NOTCH1: variants seen among roughly 807,000 people sequenced by gnomAD.
NOTCH1 encodes the protein neurogenic locus notch homolog protein 1.
In NOTCH1, 37 loss-of-function variants were observed where a neutral mutation model predicts 254.8. The ratio of observed to expected loss-of-function variants is 0.15; its 90% CI spans 0.11 to 0.19. The LOEUF is 0.19. Among genes scored for constraint, NOTCH1 ranks in the 10% least tolerant of loss-of-function variants. The pLI is 1.00. For synonymous variants in NOTCH1, 1,731 were observed against 1,618.1 expected, an observed-to-expected ratio of 1.07 and a Z score of -1.68; for missense variants, 2,972 against 3,708.6, an observed-to-expected ratio of 0.80 and a Z score of 5.16.
At position 136,499,263 on chromosome 9, in the gene NOTCH1, G is replaced by C; in HGVS notation, c.5935-4C>G. The C allele has an allele frequency of 6.2e-7, 1 of 1,612,336 alleles. No homozygotes were observed. Among genetic ancestry groups the C allele is most frequent in the South Asian group, 1.1e-5 (1 of 91,086 alleles). Reference sequence around the variant, plus strand: ...TGGCTCGGTTCCGGATCAGGATCTGGGCAACAGGGAGAGGCTCAGGCGGGT... The same window carrying C: ...TGGCTCGGTTCCGGATCAGGATCTGCGCAACAGGGAGAGGCTCAGGCGGGT... On this transcript the variant is annotated splice_region_variant and splice_polypyrimidine_tract_variant and intron_variant, in intron 31 of 33. Transcript: ENST00000651671.
At chr9:136,524,355 G>A (rs949082969) in intron 2 of NOTCH1, among the ~76,000 whole-genome samples, 1 of 152,196 alleles carries the variant, frequency 6.6e-6, no homozygotes, top group South Asian at 2.1e-4. Context: ...ACAAGCTAGA[G>A]ACTAGGATGT....
intron 5 of NOTCH1, 140 bp downstream of exon 5, chr9:136,519,303 T>C: frequency 8.0e-7 from 1 of 1,250,738 alleles, no homozygotes; most frequent in South Asian, 1.3e-5. Context: ...CCCCATCATG[T>C]TGTCCTTCTC....
At chr9:136,536,138 TA>T (rs1449666961) in intron 2 of NOTCH1, among the ~76,000 whole-genome samples, 1 of 152,128 alleles carries the variant, frequency 6.6e-6, no homozygotes, top group Non-Finnish European at 1.5e-5. Context: ...GGACCGCCTA[TA>T]ACCGCCCTGC....
intron 12 of NOTCH1, 60 bp downstream of exon 12, chr9:136,515,230 A>G: frequency 2.0e-6 from 3 of 1,506,550 alleles, no homozygotes; most frequent in Non-Finnish European, 2.8e-6. Flanking sequence ...CCCAGGGCAG[A>G]GTGGCTGACC....
In NOTCH1 at chr9:136,523,782, T is replaced by C. The variant is rs1416140685; in HGVS notation, c.338A>G (p.Asn113Ser). ...CGTGAGCAGGTCGCAGGTGCCCCCG[T>C]TGCGGCAGGGGTTGGTGAGGCAGGC... ...DNACLTNPCR[N>S]GGTCDLLTLT... The change falls in exon 3 of 34, where the codon AAC becomes AGC. Residue 113 changes from asparagine to serine, a missense_variant. Coordinates refer to ENST00000651671, the MANE Select transcript of NOTCH1 (RefSeq NM_017617.5). The C allele has an allele frequency of 6.2e-7, 1 of 1,611,992 alleles. No individual in the cohort carries two copies. Among genetic ancestry groups the C allele is most frequent in the Admixed American group, 1.7e-5 (1 of 59,932 alleles).
intron 15 of NOTCH1, among the ~76,000 whole-genome samples, chr9:136,512,633 C>G (rs1004522623): frequency 3.9e-5 from 6 of 152,168 alleles, no homozygotes; most frequent in African/African-American, 1.2e-4. Context: ...GGGTGGGCGC[C>G]GGGAGCACGG....
At chr9:136,520,186 G>A (rs1406824253) in intron 4 of NOTCH1, among the ~76,000 whole-genome samples, 1 of 151,984 alleles carries the variant, frequency 6.6e-6, no homozygotes, top group African/African-American at 2.4e-5. Context: ...CTCAACTCCC[G>A]CTGGTTCAAT....
chr9:136,543,737 AAAG>A (rs1259156954), intron 2 of NOTCH1: 3 of 558,896 alleles, frequency 5.4e-6, no homozygotes, highest in Admixed American at 3.1e-5. Context: ...TTGGGGACTT[AAAG>A]AAGAATTGGG....
chr9:136,523,022 G>A lies in NOTCH1; in HGVS notation c.570C>T (p.Arg190=), dbSNP rs1053192200. ...CCTCGTTGTGGCAGGTGCCTCCGTG[G>A]CGGCAAAGCCCGGGCTTCTGGCCAC... The part of the protein sequence containing the change: ...NECGQKPGLC[R]HGGTCHNEVG... The change falls in exon 4 of 34, where the codon CGC becomes CGT. Residue 190 remains arginine, a synonymous_variant. Transcript: ENST00000651671. 1.9e-6 allele frequency: 3 copies of A among 1,551,580 alleles called. No homozygotes were observed. In the East Asian group the frequency reaches 7.3e-5, roughly 38 times the overall value.
Position 136,504,897 on chromosome 9 carries a change from G to C in NOTCH1, c.4794C>G (p.Arg1598=), listed in dbSNP as rs558708604. 1.5e-5 allele frequency: 24 copies of C among 1,585,026 alleles called. No homozygotes were observed. Among genetic ancestry groups the C allele is most frequent in the Non-Finnish European group, 2.1e-5 (24 of 1,166,400 alleles). Residue 1598 remains arginine (R), a synonymous_variant, in exon 26 of 34, where the codon CGC becomes CGG. Transcript: ENST00000651671. ...SSFHFLRELS[R]VLHTNVVFKR... Reference sequence around the variant, plus strand: ...TGAAGACCACGTTGGTGTGCAGCACGCGGCTGAGCTCCCGCAGGAAGTGGA... The same window carrying C: ...TGAAGACCACGTTGGTGTGCAGCACCCGGCTGAGCTCCCGCAGGAAGTGGA...
chr9:136,521,581 C>G (rs547748168), intron 4 of NOTCH1, among the ~76,000 whole-genome samples: 2 of 152,196 alleles, frequency 1.3e-5, no homozygotes, highest in African/African-American at 4.8e-5. Flanking sequence ...CCCCTCAATC[C>G]GTGTGACTGG....
intron 15 of NOTCH1, 114 bp downstream of exon 15, chr9:136,512,907 G>T (rs866708133): frequency 6.4e-6 from 3 of 466,750 alleles, no homozygotes; most frequent in South Asian, 1.8e-5. Flanking sequence ...TTCCCAGGCC[G>T]CCCCCACCCC....
rs377557137 is a variant in NOTCH1 at position 136,516,927 on chromosome 9, C to T, written c.1555+345G>A. ...AATGGCCAGGCCCCCCTCAGAAGGCCGGGGTGCAGACGGCCCAGGGGCAGG... is the reference window on the plus strand; with the variant it reads ...AATGGCCAGGCCCCCCTCAGAAGGCTGGGGTGCAGACGGCCCAGGGGCAGG... On this transcript the variant is annotated intron_variant, in intron 9 of 33. Coordinates refer to ENST00000651671, the MANE Select transcript of NOTCH1 (RefSeq NM_017617.5). Among the ~76,000 whole-genome samples the T allele has an allele frequency of 3.8e-3, 570 of 151,468 alleles. 4 individuals are homozygous for T. The highest frequency in any genetic ancestry group is 0.013 in the African/African-American group (552 of 41,352).
At position 136,506,972 on chromosome 9, in the gene NOTCH1, A is replaced by G; in HGVS notation, c.3645T>C (p.Gly1215=). ...CGTCCACGTTGATCTCACAGTGCAC[A>G]CCTGCGGGGCCAGGTTTCGTCAGTG... The part of the protein sequence containing the change: ...YKCSCPRGTQ[G]VHCEINVDDC... The change falls in exon 23 of 34, where the codon GGT becomes GGC. Residue 1215 remains glycine (G), a splice_region_variant and synonymous_variant. Coordinates refer to ENST00000651671, the MANE Select transcript of NOTCH1 (RefSeq NM_017617.5). The surrounding 1 kb of genome is among the most constrained non-coding windows in gnomAD (Gnocchi z 4.5). The G allele has an allele frequency of 6.3e-7, 1 of 1,599,518 alleles. No individual in the cohort carries two copies. The highest frequency in any genetic ancestry group is 8.5e-7 in the Non-Finnish European group (1 of 1,174,694).
At chr9:136,537,625 G>A (rs372681124) in intron 2 of NOTCH1, among the ~76,000 whole-genome samples, 22 of 152,140 alleles carry the variant, frequency 1.4e-4, no homozygotes, top group African/African-American at 2.7e-4. Context: ...GCAAGACCCC[G>A]CTTCTGCAAA....
chr9:136,528,624 G>A (rs1033756195), intron 2 of NOTCH1, among the ~76,000 whole-genome samples: 1 of 151,702 alleles, frequency 6.6e-6, no homozygotes, highest in Non-Finnish European at 1.5e-5. Flanking sequence ...GGGAAGGAAC[G>A]GCCCTGCACA....
intron 33 of NOTCH1, among the ~76,000 whole-genome samples, chr9:136,498,200 G>A (rs1353627096): frequency 2.0e-5 from 3 of 148,192 alleles, no homozygotes; most frequent in African/African-American, 7.4e-5. Flanking sequence ...AGGGAGAGAC[G>A]CCTGAGCCTG....
chr9:136,521,003 C>A (rs989836480), intron 4 of NOTCH1, among the ~76,000 whole-genome samples: 11 of 152,192 alleles, frequency 7.2e-5, no homozygotes, highest in Non-Finnish European at 1.6e-4. Flanking sequence ...GCTGTGCGAC[C>A]CCAAATCCCA....
At position 136,518,309 on chromosome 9, in the gene NOTCH1, G is replaced by C. The variant is rs373481386; in HGVS notation, c.1100-17C>G. 7 of 1,605,388 alleles carry C rather than the reference G, an allele frequency of 4.4e-6. No individual in the cohort carries two copies. In the Admixed American group the frequency reaches 8.4e-5, roughly 19 times the overall value. On this transcript the variant is annotated splice_polypyrimidine_tract_variant and intron_variant, in intron 6 of 33. Coordinates refer to ENST00000651671, the MANE Select transcript of NOTCH1 (RefSeq NM_017617.5). ...ACAGCAGACCTGGGCAGGCAGCGGC[G>C]GTCAGTGGGCACGGCCCCTGGGCCA...
Sources: allele counts gnomAD v4.1 joint callset (sites outside exome capture counted in the v4.1 genomes callset), GRCh38; gene constraint gnomAD v4.1.1; non-coding constraint Gnocchi (gnomAD v3.1); transcripts MANE v1.5; gene names NCBI Gene and HGNC (gene_info 2026-07-23, HGNC 2026-07-21).